Variants in CYP4B1 observed in about 807,000 individuals in gnomAD.
CYP4B1 encodes cytochrome P450 family 4 subfamily B member 1.
In CYP4B1, 45 loss-of-function variants were observed where a neutral mutation model predicts 54.0. The ratio of observed to expected loss-of-function variants is 0.83; its 90% CI spans 0.66 to 1.07. CYP4B1 has a LOEUF of 1.07. CYP4B1 is among the 50% of genes least tolerant of loss of function. The pLI, the probability that CYP4B1 is intolerant of heterozygous loss-of-function variation, is 0.00. For missense variants in CYP4B1, 656 were observed against 655.4 expected, an observed-to-expected ratio of 1.00 and a Z score of -0.01; for synonymous variants, 248 against 247.5, an observed-to-expected ratio of 1.00 and a Z score of -0.02.
chr1:46,817,915 G>C (rs1248368050), intron 9 of CYP4B1, 50 bp from the exon 10 acceptor site: 1 of 1,560,732 alleles, frequency 6.4e-7, no homozygotes, highest in African/African-American at 1.4e-5. Flanking sequence ...TGTGGAGGTA[G>C]GCCTGGCTAC....
At chr1:46,809,353 G>A (rs926308030) in intron 1 of CYP4B1, among the ~76,000 whole-genome samples, 2 of 152,196 alleles carry the variant, frequency 1.3e-5, no homozygotes, top group African/African-American at 4.8e-5. Context: ...ATGAGATTAG[G>A]AGGGGACAAA....
Position 46,818,218 on chromosome 1 carries a change from G to A in CYP4B1, c.1355+5G>A, listed in dbSNP as rs771709446. 6.2e-7 allele frequency: 1 copy of A among 1,613,500 alleles called. No individual in the cohort carries two copies. The highest frequency in any genetic ancestry group is 1.3e-5 in the African/African-American group (1 of 74,886). ...GCCCTTCTCTGCTGGGCCCAGGTATGGAGAGACCCAGTATCCCAGGCCCTC... is the reference window on the plus strand; with the variant it reads ...GCCCTTCTCTGCTGGGCCCAGGTATAGAGAGACCCAGTATCCCAGGCCCTC... On this transcript the variant is annotated splice_donor_5th_base_variant and intron_variant, in intron 11 of 11. Coordinates refer to ENST00000371923, the MANE Select transcript of CYP4B1 (RefSeq NM_001099772.2).
At position 46,810,680 on chromosome 1, in the gene CYP4B1, G is replaced by A. The variant is rs993899160; in HGVS notation, c.181-128G>A. On this transcript the variant is annotated intron_variant, in intron 1 of 11. Transcript: ENST00000371923. ...GCCCAGGGATGTTTAGGAGAAGAGG[G>A]TGCAGGAGAGGTAAGGAAGCAACCA... 51 of 880,396 alleles carry A rather than the reference G, an allele frequency of 5.8e-5. No individual in the cohort carries two copies. The African/African-American group carries it at 7.6e-4, about 13-fold the overall frequency. 54.5% of individuals were successfully genotyped at this position (880,396 alleles called of 1,614,324 possible).
intron 5 of CYP4B1, 97 bp downstream of exon 5, chr1:46,813,703 G>A: frequency 6.5e-7 from 1 of 1,548,072 alleles, no homozygotes; most frequent in Admixed American, 1.8e-5. Context: ...GAAGAGATAG[G>A]GTCCTGCCCC....
chr1:46,818,234 CCAGGCCCT>C, intron 11 of CYP4B1, 21 bp downstream of exon 11: 2 of 1,608,134 alleles, frequency 1.2e-6, no homozygotes, highest in Non-Finnish European at 8.5e-7. Flanking sequence ...ACCCAGTATC[CCAGGCCCT>C]CAGGACTGGG....
intron 7 of CYP4B1, chr1:46,814,657 A>G: frequency 3.1e-6 from 1 of 327,602 alleles, no homozygotes; most frequent in Non-Finnish European, 5.6e-6. Context: ...CATCAATTCT[A>G]GAAACTCACT....
intron 1 of CYP4B1, among the ~76,000 whole-genome samples, chr1:46,805,152 C>T (rs1467567968): frequency 1.3e-5 from 2 of 152,218 alleles, no homozygotes; most frequent in African/African-American, 4.8e-5. Context: ...CCCATGCGGA[C>T]TGAGGACAGA....
At chr1:46,799,689 AGAGT>A (rs1175504399) in intron 1 of CYP4B1, among the ~76,000 whole-genome samples, 1 of 152,244 alleles carries the variant, frequency 6.6e-6, no homozygotes, top group Admixed American at 6.5e-5. Flanking sequence ...GCAGGAAATG[AGAGT>A]GAGCATGAAG....
Position 46,815,206 on chromosome 1 carries a change from C to A in CYP4B1, c.1015C>A (p.Gln339Lys), listed in dbSNP as rs1424724356. ...LYCMALYPEH[Q>K]HRCREEVREI... ...CTGCATGGCCCTGTACCCTGAGCAC[C>A]AGCATCGTTGTAGAGAGGAGGTCCG... The change falls in exon 8 of 12, where the codon CAG becomes AAG. Residue 339 changes from glutamine (Q) to lysine (K), a missense_variant. Physicochemically the swap from Gln to Lys is moderately conservative, Grantham distance 53. Coordinates refer to ENST00000371923, the MANE Select transcript of CYP4B1 (RefSeq NM_001099772.2). The A allele has an allele frequency of 6.2e-7, 1 of 1,606,978 alleles. No homozygotes were observed. Among genetic ancestry groups the A allele is most frequent in the Non-Finnish European group, 8.5e-7 (1 of 1,176,288 alleles).
chr1:46,809,072 A>G (rs1002401798), intron 1 of CYP4B1, among the ~76,000 whole-genome samples: 7 of 151,882 alleles, frequency 4.6e-5, no homozygotes, highest in African/African-American at 1.7e-4. Context: ...ATACATATGT[A>G]ACTAACCTGC....
In CYP4B1 at chr1:46,819,243, T is replaced by C. The variant is rs1449797858; in HGVS notation, c.*429T>C. 1 of 160,334 alleles carries C rather than the reference T, an allele frequency of 6.2e-6. No homozygotes were observed. The highest frequency in any genetic ancestry group is 1.4e-5 in the Non-Finnish European group (1 of 73,610). The allele number at this position is 160,334 out of a possible 1,614,324, so 9.9% of individuals were successfully genotyped here. ...TTAGGGGAGTGCCCCTTCACTGAGA[T>C]GTGTTTCTTTGTTGAACTTTGTGTG... On this transcript the variant is annotated 3_prime_UTR_variant, in exon 12 of 12. Transcript: ENST00000371923.
chr1:46,802,677 G>A (rs1678707081), intron 1 of CYP4B1, among the ~76,000 whole-genome samples: 1 of 152,124 alleles, frequency 6.6e-6, no homozygotes, highest in African/African-American at 2.4e-5. Flanking sequence ...AACAACTCTG[G>A]GTCTGGTCCT....
intron 1 of CYP4B1, among the ~76,000 whole-genome samples, chr1:46,805,725 G>T (rs1678832631): frequency 6.6e-6 from 1 of 152,162 alleles, no homozygotes; most frequent in East Asian, 1.9e-4. Flanking sequence ...GATTTTTATA[G>T]TTATTTCAGA....
intron 1 of CYP4B1, 98 bp downstream of exon 1, chr1:46,799,359 A>G: frequency 8.7e-7 from 1 of 1,149,692 alleles, no homozygotes; most frequent in Non-Finnish European, 1.2e-6. Flanking sequence ...GGAGACTTCA[A>G]ACTTGGGCAG....
chr1:46,816,425 A>C (rs1387750216), intron 8 of CYP4B1, among the ~76,000 whole-genome samples: 2 of 152,190 alleles, frequency 1.3e-5, no homozygotes, highest in African/African-American at 4.8e-5. Context: ...CTAGAGCTTG[A>C]AGCAACTTAG....
In CYP4B1 at chr1:46,817,610, TG is replaced by T. The variant is rs376895369; in HGVS notation, c.1208-354del. Among the ~76,000 whole-genome samples the T allele has an allele frequency of 4.5e-4, 68 of 152,318 alleles. 2 individuals carry two copies. In the East Asian group the frequency reaches 9.2e-3, roughly 21 times the overall value. On this transcript the variant is annotated intron_variant, in intron 9 of 11. Coordinates refer to ENST00000371923, the MANE Select transcript of CYP4B1 (RefSeq NM_001099772.2). ...TAGCAAGCACCTGGTGAATGATAGCTGTTACTGTTGGCAGTATAATATTATG... is the reference window on the plus strand; with the variant it reads ...TAGCAAGCACCTGGTGAATGATAGCTTTACTGTTGGCAGTATAATATTATG...
chr1:46,810,109 T>A (rs1269259202), intron 1 of CYP4B1, among the ~76,000 whole-genome samples: 1 of 152,188 alleles, frequency 6.6e-6, no homozygotes, highest in Non-Finnish European at 1.5e-5. Context: ...GGAATGCTTT[T>A]CCTTTATGCT....
chr1:46,799,962 A>G (rs576184104), intron 1 of CYP4B1, among the ~76,000 whole-genome samples: 6 of 152,306 alleles, frequency 3.9e-5, no homozygotes, highest in African/African-American at 1.4e-4. Flanking sequence ...ATTGGAATCA[A>G]CTGGGAGGAG....
chr1:46,812,546 C>A lies in CYP4B1; in HGVS notation c.418C>A (p.Leu140Met), dbSNP rs1679153368. ...GCCCAAGTGGTTGCAGCACCGCAAGCTGCTCACACCTGGCTTTCATTATGA... is the reference window on the plus strand; with the variant it reads ...GCCCAAGTGGTTGCAGCACCGCAAGATGCTCACACCTGGCTTTCATTATGA... ...EGPKWLQHRKLLTPGFHYDVL... is the reference protein window; with the variant it reads ...EGPKWLQHRKMLTPGFHYDVL... Residue 140 changes from leucine to methionine, a missense_variant, in exon 4 of 12, where the codon CTG (leucine) becomes ATG (methionine). Physicochemically the swap from Leu to Met is conservative, Grantham distance 15. Coordinates refer to ENST00000371923, the MANE Select transcript of CYP4B1 (RefSeq NM_001099772.2). The A allele has an allele frequency of 5.0e-6, 8 of 1,614,060 alleles. No individual in the cohort carries two copies. The highest frequency in any genetic ancestry group is 6.8e-6 in the Non-Finnish European group (8 of 1,179,964).
Sources: allele counts gnomAD v4.1 joint callset (sites outside exome capture counted in the v4.1 genomes callset), GRCh38; gene constraint gnomAD v4.1.1; transcripts MANE v1.5; gene names NCBI Gene and HGNC (gene_info 2026-07-23, HGNC 2026-07-21).